The following WDR3 variants were observed in gnomAD, a reference collection of about 807,000 sequenced individuals.
The protein encoded by WDR3 is WD repeat-containing protein 3.
WDR3 carries 81 observed loss-of-function variants against 123.7 expected under a neutral mutation model. That is an observed-to-expected ratio of 0.65 (90% CI 0.55 to 0.79). The LOEUF is 0.79. Among genes scored for constraint, WDR3 ranks in the 30% least tolerant of loss-of-function variants. The probability of loss-of-function intolerance (pLI) is 0.00; values close to 1 mark genes in which losing one functional copy is unlikely to be tolerated. For missense variants in WDR3, 1,027 were observed against 1,123.2 expected (o/e 0.91, Z 1.22); for synonymous variants, 390 against 388.8 (o/e 1.00, Z -0.04).
At position 117,950,036 on chromosome 1, in the gene WDR3, A is replaced by T. The variant is rs1224137710; in HGVS notation, c.1652A>T (p.Asp551Val). Residue 551 changes from aspartate to valine, a missense_variant, in exon 15 of 27, where the codon GAT becomes GTT. Transcript: ENST00000349139. ...KQTRTLQLDE[D>V]VLCVSYSPNQ... ...ACCCGAACTTTGCAACTAGATGAAG[A>T]TGTTCTGTGTGTCAGTTACTCTCCC... 1.2e-6 allele frequency: 2 copies of T among 1,613,878 alleles called. No individual in the cohort carries two copies. The highest frequency in any genetic ancestry group is 1.3e-5 in the African/African-American group (1 of 74,974).
At chr1:117,944,910 C>T (rs911151081) in intron 11 of WDR3, among the ~76,000 whole-genome samples, 3 of 152,110 alleles carry the variant, frequency 2.0e-5, no homozygotes, top group African/African-American at 7.2e-5. Flanking sequence ...CCATGTTGGC[C>T]TCAAACTCCT....
rs1651643829 is a variant in WDR3, at chr1:117,952,222, A to C, written c.1905-75A>C. 4 of 1,466,566 alleles carry C rather than the reference A, an allele frequency of 2.7e-6. No homozygotes were observed. The African/African-American group carries it at 4.2e-5, about 15-fold the overall frequency. The allele number at this position is 1,466,566 out of a possible 1,614,324, so 90.8% of individuals were successfully genotyped here. ...GACACCCTAGAACTAGCTAGTCAAA[A>C]GCTATTTATGTGTGTAAAACTCTTT... On this transcript the variant is annotated intron_variant, in intron 17 of 26. Coordinates refer to ENST00000349139, the MANE Select transcript of WDR3 (RefSeq NM_006784.3).
chr1:117,952,778 CAGG>C, intron 19 of WDR3, 116 bp downstream of exon 19: 1 of 1,464,292 alleles, frequency 6.8e-7, no homozygotes, highest in African/African-American at 1.4e-5. Context: ...CAAGAACCTT[CAGG>C]AGATCTTTTC....
intron 5 of WDR3, among the ~76,000 whole-genome samples, chr1:117,939,103 A>G (rs578039247): frequency 6.6e-6 from 1 of 152,380 alleles, no homozygotes; most frequent in East Asian, 1.9e-4. Flanking sequence ...GCTGAAAGTT[A>G]TGCAATGGAC....
At chr1:117,933,237 A>G (rs1650797491) in intron 1 of WDR3, 51 bp from the exon 2 acceptor site, 1 of 1,508,826 alleles carries the variant, frequency 6.6e-7, no homozygotes, top group South Asian at 1.2e-5. Context: ...TTACTAACCT[A>G]GTAGAACCAA....
intron 14 of WDR3, 71 bp downstream of exon 14, chr1:117,949,907 T>C: frequency 6.2e-7 from 1 of 1,610,134 alleles, no homozygotes; most frequent in Non-Finnish European, 8.5e-7. Flanking sequence ...TTTTGACGTC[T>C]TATATCATTT....
intron 14 of WDR3, 62 bp from the exon 15 acceptor site, chr1:117,949,933 G>C: frequency 3.1e-6 from 5 of 1,611,808 alleles, no homozygotes; most frequent in Non-Finnish European, 4.2e-6. Context: ...GCTCTAAAGA[G>C]TTAGGATTTG....
chr1:117,958,449 C>T (rs1315260402), intron 25 of WDR3, among the ~76,000 whole-genome samples: 1 of 152,196 alleles, frequency 6.6e-6, no homozygotes, highest in South Asian at 2.1e-4. Context: ...TGGATGGGTA[C>T]TACCTGACAG....
intron 3 of WDR3, 58 bp from the exon 4 acceptor site, chr1:117,936,711 G>C (rs1650954888): frequency 7.6e-7 from 1 of 1,317,934 alleles, no homozygotes. Flanking sequence ...TGTTTGTCAA[G>C]TTGGGCCATA....
At chr1:117,942,613 C>G (rs1651211231) in intron 10 of WDR3, 69 bp downstream of exon 10, 1 of 1,385,028 alleles carries the variant, frequency 7.2e-7, no homozygotes, top group Non-Finnish European at 1.0e-6. Flanking sequence ...CTTTTTCATG[C>G]TATTTGTAAG....
chr1:117,943,425 G>A lies in WDR3; in HGVS notation c.1127G>A (p.Gly376Glu), dbSNP rs192858573. The part of the protein sequence containing the change: ...KSFDLIHSPH[G>E]ELKAVFLLQN... ...TTTGACTTGATTCATTCACCTCACG[G>A]AGAGTTAAAGGCTGTCTTCCTGCTG... is the stretch of plus-strand genomic sequence containing the variant. Residue 376 changes from glycine to glutamate, a missense_variant, in exon 11 of 27, where the codon GGA (glycine) becomes GAA (glutamate). Coordinates refer to ENST00000349139, the MANE Select transcript of WDR3 (RefSeq NM_006784.3). The A allele has an allele frequency of 6.2e-7, 1 of 1,614,050 alleles. No homozygotes were observed. The highest frequency in any genetic ancestry group is 1.7e-5 in the Admixed American group (1 of 60,006).
Position 117,959,444 on chromosome 1 carries a change from T to A in WDR3, c.2829T>A (p.Thr943=), listed in dbSNP as rs1652726271. ...GGGAGAAGTTGATTCTAACGTTGAC[T>A]TAGAACTGAAATGTGGTATCTTTTT... The part of the protein sequence containing the change: ...KKREKLILTL[T] The change falls in exon 27 of 27, where the codon ACT becomes ACA. Residue 943 remains threonine (T), a synonymous_variant. Transcript: ENST00000349139. The A allele has an allele frequency of 1.2e-6, 2 of 1,600,912 alleles. No individual in the cohort carries two copies. The highest frequency in any genetic ancestry group is 2.7e-5 in the African/African-American group (2 of 74,126).
intron 25 of WDR3, 83 bp downstream of exon 25, chr1:117,957,279 G>A (rs754784955): frequency 5.5e-6 from 8 of 1,459,808 alleles, no homozygotes; most frequent in Non-Finnish European, 7.3e-6. Flanking sequence ...CAACACTTTG[G>A]GATTAAGAAA....
rs1233692300 is a variant in WDR3, at chr1:117,940,924, A to T, written c.773A>T (p.Asp258Val). ...LEAEDGAFET[D>V]EAPEDRILSC... ...GCAGAGGATGGTGCCTTTGAGACGG[A>T]TGAAGCCCCTGAGGATGTAATTCAT... Residue 258 changes from aspartate to valine, a missense_variant, in exon 7 of 27, where the codon GAT (aspartate) becomes GTT (valine). Coordinates refer to ENST00000349139, the MANE Select transcript of WDR3 (RefSeq NM_006784.3). 14 of 1,612,380 alleles carry T rather than the reference A, an allele frequency of 8.7e-6. No individual in the cohort carries two copies. The highest frequency in any genetic ancestry group is 1.1e-5 in the South Asian group (1 of 90,554).
intron 3 of WDR3, 137 bp from the exon 4 acceptor site, chr1:117,936,632 G>A: frequency 3.5e-6 from 2 of 571,850 alleles, no homozygotes; most frequent in South Asian, 2.7e-5. Flanking sequence ...TTATTCCCCT[G>A]TACTTTCCCC....
At chr1:117,958,476 A>G (rs1652545767) in intron 25 of WDR3, among the ~76,000 whole-genome samples, 1 of 152,212 alleles carries the variant, frequency 6.6e-6, no homozygotes, top group Non-Finnish European at 1.5e-5. Flanking sequence ...TAGGGTCATC[A>G]AGGATATCTT....
intron 1 of WDR3, 34 bp from the exon 2 acceptor site, chr1:117,933,254 C>T (rs957045186): frequency 5.1e-6 from 8 of 1,575,236 alleles, no homozygotes; most frequent in Non-Finnish European, 6.9e-6. Flanking sequence ...CCAAGGCACC[C>T]AAGGAGCTGA....
At chr1:117,948,572 T>G (rs558847906) in intron 13 of WDR3, 66 bp downstream of exon 13, 5 of 1,304,790 alleles carry the variant, frequency 3.8e-6, no homozygotes, top group East Asian at 2.4e-5. Flanking sequence ...CTCTCAGGGT[T>G]TCTTTAAAGA....
chr1:117,935,085 T>C (rs1262627311), intron 3 of WDR3, among the ~76,000 whole-genome samples: 1 of 152,182 alleles, frequency 6.6e-6, no homozygotes, highest in East Asian at 1.9e-4. Context: ...AAAGATTCCA[T>C]TCACAACAGA....
Sources: gnomAD v4.1 joint callset for allele counts (sites outside exome capture counted in the v4.1 genomes callset) on GRCh38, gnomAD v4.1.1 for gene constraint, MANE v1.5 for transcripts, NCBI Gene and HGNC (gene_info 2026-07-23, HGNC 2026-07-21) for gene names.